Variants in PTPRD observed in about 807,000 individuals in gnomAD.
PTPRD encodes receptor-type tyrosine-protein phosphatase delta.
A neutral mutation model predicts 214.5 loss-of-function variants in PTPRD; 34 were observed. The observed-to-expected ratio is 0.16, with a 90% CI of 0.12 to 0.21. The LOEUF is 0.21. Among genes scored for constraint, PTPRD ranks in the 10% least tolerant of loss-of-function variants. The pLI is 1.00. For synonymous variants in PTPRD, 1,128 were observed against 845.7 expected (o/e 1.33, Z -5.79); for missense variants, 2,545 against 2,398.7 (o/e 1.06, Z -1.27).
chr9:9,883,678 G>A (rs999910121), intron 5 of PTPRD, among the ~76,000 whole-genome samples: 1 of 152,064 alleles, frequency 6.6e-6, no homozygotes, highest in Non-Finnish European at 1.5e-5. Context: ...TACAACCACT[G>A]CCTCACATGT....
At chr9:10,542,582 C>G (rs1367960285) in intron 2 of PTPRD, among the ~76,000 whole-genome samples, 1 of 151,992 alleles carries the variant, frequency 6.6e-6, no homozygotes, top group African/African-American at 2.4e-5. Context: ...ACCTTATAAA[C>G]ATTTCTTATT....
chr9:8,480,395 CT>C (rs2096855924), intron 30 of PTPRD, among the ~76,000 whole-genome samples: 1 of 152,188 alleles, frequency 6.6e-6, no homozygotes, highest in Non-Finnish European at 1.5e-5. Flanking sequence ...GGAGCCTCGT[CT>C]ACAGCCTCCC....
intron 2 of PTPRD, among the ~76,000 whole-genome samples, chr9:10,352,126 T>C (rs946617611): frequency 1.3e-5 from 2 of 152,036 alleles, no homozygotes; most frequent in African/African-American, 4.8e-5. Flanking sequence ...ATTTATCTCA[T>C]TAACCTTTGG....
At chr9:9,971,203 G>T (rs1268834100) in intron 4 of PTPRD, among the ~76,000 whole-genome samples, 2 of 152,060 alleles carry the variant, frequency 1.3e-5, no homozygotes, top group African/African-American at 4.8e-5. Flanking sequence ...AAAACATCAG[G>T]TAAGATTTAA....
intron 7 of PTPRD, among the ~76,000 whole-genome samples, chr9:9,663,489 G>C (rs1446980873): frequency 6.6e-6 from 1 of 151,166 alleles, no homozygotes; most frequent in Non-Finnish European, 1.5e-5. Context: ...TCACTTTTTT[G>C]TCTGTCTTCT....
chr9:9,886,377 T>C (rs938767434), intron 5 of PTPRD, among the ~76,000 whole-genome samples: 2 of 152,092 alleles, frequency 1.3e-5, no homozygotes, highest in Non-Finnish European at 2.9e-5. Context: ...ATAGCTTTCT[T>C]CACATGTGGA....
In PTPRD at chr9:10,003,936, T is replaced by C. The variant is rs148687979; in HGVS notation, c.-472+29782A>G. On this transcript the variant is annotated intron_variant, in intron 4 of 45. Coordinates refer to ENST00000381196, the MANE Select transcript of PTPRD (RefSeq NM_002839.4). ...AAATTATTCAAAATTAATTTTGAAA[T>C]AAATATTGCCTTGCAAGATTAAGCT... Among the ~76,000 whole-genome samples, 45 of 151,946 alleles carry C rather than the reference T, an allele frequency of 3.0e-4. No individual in the cohort carries two copies. In the East Asian group the frequency reaches 8.5e-3, roughly 29 times the overall value.
At chr9:9,161,629 G>A (rs1235956261) in intron 10 of PTPRD, among the ~76,000 whole-genome samples, 3 of 152,050 alleles carry the variant, frequency 2.0e-5, no homozygotes, top group African/African-American at 7.2e-5. Flanking sequence ...AAAGATTCAT[G>A]GAGCCTCCTG....
chr9:10,327,701 A>AT (rs1003243556), intron 3 of PTPRD, among the ~76,000 whole-genome samples: 7 of 151,498 alleles, frequency 4.6e-5, no homozygotes, highest in African/African-American at 1.2e-4. Flanking sequence ...ATTTGAAACT[A>AT]TTTTTTTTCC....
At chr9:9,725,843 C>A (rs2098080028) in intron 7 of PTPRD, among the ~76,000 whole-genome samples, 1 of 152,076 alleles carries the variant, frequency 6.6e-6, no homozygotes, top group Non-Finnish European at 1.5e-5. Flanking sequence ...CAAGATAGCC[C>A]TCACAACAAA....
At chr9:9,368,730 A>G (rs1276386949) in intron 9 of PTPRD, among the ~76,000 whole-genome samples, 1 of 151,854 alleles carries the variant, frequency 6.6e-6, no homozygotes, top group Non-Finnish European at 1.5e-5. Flanking sequence ...AGGGTATTAC[A>G]AACAAATGCT....
intron 7 of PTPRD, among the ~76,000 whole-genome samples, chr9:9,580,547 CTTTTT>C (rs1176394314): frequency 2.4e-5 from 3 of 123,072 alleles, no homozygotes; most frequent in Admixed American, 8.5e-5. Context: ...ACTTTATTTT[CTTTTT>C]TTTTTTTTTT....
chr9:10,389,118 G>A (rs994692612), intron 2 of PTPRD, among the ~76,000 whole-genome samples: 5 of 151,840 alleles, frequency 3.3e-5, no homozygotes, highest in African/African-American at 9.7e-5. Context: ...CTCCTGTTAT[G>A]TAAAATTAAT....
chr9:8,655,438 C>A (rs995965360), intron 12 of PTPRD, among the ~76,000 whole-genome samples: 3 of 152,180 alleles, frequency 2.0e-5, no homozygotes, highest in South Asian at 2.1e-4. Context: ...TTTAAATTCA[C>A]AGTGGTCCTT....
At chr9:8,748,729 T>A (rs1046199975) in intron 11 of PTPRD, among the ~76,000 whole-genome samples, 1 of 151,854 alleles carries the variant, frequency 6.6e-6, no homozygotes, top group Non-Finnish European at 1.5e-5. Flanking sequence ...CTGACCAACA[T>A]GGAGAAATCC....
At chr9:8,805,021 G>C (rs890246807) in intron 11 of PTPRD, among the ~76,000 whole-genome samples, 2 of 152,178 alleles carry the variant, frequency 1.3e-5, no homozygotes, top group Admixed American at 1.3e-4. Flanking sequence ...AGGGATTACA[G>C]CATGCTTTTG....
intron 12 of PTPRD, among the ~76,000 whole-genome samples, chr9:8,698,479 G>A (rs945400701): frequency 1.3e-5 from 2 of 152,172 alleles, no homozygotes; most frequent in Admixed American, 1.3e-4. Context: ...TAAAGGTGGT[G>A]TACATTTATT....
At chr9:9,128,675 G>A (rs973358682) in intron 10 of PTPRD, among the ~76,000 whole-genome samples, 1 of 152,184 alleles carries the variant, frequency 6.6e-6, no homozygotes, top group African/African-American at 2.4e-5. Context: ...TACTTGTGAT[G>A]ACATTCATGC....
chr9:9,218,783 C>T (rs1302941837), intron 9 of PTPRD, among the ~76,000 whole-genome samples: 1 of 152,116 alleles, frequency 6.6e-6, no homozygotes, highest in Non-Finnish European at 1.5e-5. Context: ...GCATTCTCCA[C>T]TGTCATGAAT....
Sources: allele counts gnomAD v4.1 joint callset (sites outside exome capture counted in the v4.1 genomes callset), GRCh38; gene constraint gnomAD v4.1.1; transcripts MANE v1.5; gene names NCBI Gene and HGNC (gene_info 2026-07-23, HGNC 2026-07-21).